The following MACC1 variants were observed in gnomAD, a reference collection of about 807,000 sequenced individuals.
MACC1 encodes the protein metastasis-associated in colon cancer protein 1.
Under a neutral mutation model 70.7 loss-of-function variants are expected in MACC1, and 79 were observed. That is an observed-to-expected ratio of 1.12 (90% CI 0.93 to 1.35). The LOEUF (loss-of-function observed/expected upper bound fraction) is 1.35, where lower values mean the gene tolerates loss of function less well. Among genes scored for constraint, MACC1 ranks in the 40% most tolerant of loss-of-function variants. The pLI, the probability that MACC1 is intolerant of heterozygous loss-of-function variation, is 0.00. For synonymous variants in MACC1, 361 were observed against 347.2 expected, an observed-to-expected ratio of 1.04 and a Z score of -0.44; for missense variants, 1,106 against 978.1, an observed-to-expected ratio of 1.13 and a Z score of -1.74.
chr7:20,168,739 A>G (rs1364398065), intron 2 of MACC1, among the ~76,000 whole-genome samples: 1 of 152,206 alleles, frequency 6.6e-6, no homozygotes, highest in Non-Finnish European at 1.5e-5. Context: ...CACACATGTC[A>G]GGTTACAATC....
chr7:20,160,182 G>A lies in MACC1; in HGVS notation c.179C>T (p.Ala60Val), dbSNP rs774128393. 13 of 1,607,742 alleles carry A rather than the reference G, an allele frequency of 8.1e-6. No homozygotes were observed. The highest frequency in any genetic ancestry group is 1.0e-5 in the Non-Finnish European group (12 of 1,178,406). ...CCAGAATGGATTTGCAACTTTGGAA[G>A]CATTATTACCACGAAGGGTGAAAGC... ...PDAFTLRGNNASKVANPFWNQ... is the reference protein window; with the variant it reads ...PDAFTLRGNNVSKVANPFWNQ... Residue 60 changes from alanine to valine, a missense_variant, in exon 5 of 7, where the codon GCT becomes GTT. By Grantham distance (64) the Ala-to-Val change is moderately conservative. Transcript: ENST00000400331.
chr7:20,211,719 G>A (rs1040718731), intron 1 of MACC1, among the ~76,000 whole-genome samples: 7 of 152,212 alleles, frequency 4.6e-5, no homozygotes, highest in Admixed American at 2.6e-4. Context: ...ATCTCATAAA[G>A]TTGAAGGTAC....
Position 20,160,120 on chromosome 7 carries a change from T to A in MACC1, c.241A>T (p.Ile81Leu), listed in dbSNP as rs369411460. ...LSASNPFLDDITQLRNNRKRN... is the reference protein window; with the variant it reads ...LSASNPFLDDLTQLRNNRKRN... ...TTCCTGTTATTTCTTAGTTGAGTTA[T>A]GTCATCCAAAAATGGGTTAGAAGCA... is the stretch of plus-strand genomic sequence containing the variant. Residue 81 changes from isoleucine (I) to leucine (L), a missense_variant, in exon 5 of 7, where the codon ATA becomes TTA. Transcript: ENST00000400331. 37 of 1,613,156 alleles carry A rather than the reference T, an allele frequency of 2.3e-5. No individual in the cohort carries two copies. The highest frequency in any genetic ancestry group is 3.0e-5 in the Non-Finnish European group (35 of 1,179,782).
chr7:20,144,694 G>T (rs1329604974), intron 6 of MACC1, among the ~76,000 whole-genome samples: 1 of 152,056 alleles, frequency 6.6e-6, no homozygotes, highest in African/African-American at 2.4e-5. Context: ...GCAAAAGGGA[G>T]GGTATCTGAT....
intron 1 of MACC1, among the ~76,000 whole-genome samples, chr7:20,176,357 T>C (rs1395927343): frequency 6.6e-6 from 1 of 152,120 alleles, no homozygotes; most frequent in African/African-American, 2.4e-5. Context: ...CAGGGTTAAT[T>C]AATCTGTCAA....
intron 1 of MACC1, among the ~76,000 whole-genome samples, chr7:20,213,702 T>A (rs1253122999): frequency 6.6e-6 from 1 of 152,032 alleles, no homozygotes; most frequent in Admixed American, 6.6e-5. Context: ...GAGAGTTAAA[T>A]GATGAGAACA....
At chr7:20,214,157 G>A (rs563551160) in intron 1 of MACC1, among the ~76,000 whole-genome samples, 58 of 152,160 alleles carry the variant, frequency 3.8e-4, no homozygotes, top group Non-Finnish European at 5.6e-4. Flanking sequence ...CTAAAGTATG[G>A]ATTTCCACAG....
chr7:20,191,948 T>C (rs574950556), intron 1 of MACC1, among the ~76,000 whole-genome samples: 103 of 152,266 alleles, frequency 6.8e-4, no homozygotes, highest in African/African-American at 2.4e-3. Flanking sequence ...AAATTTGATA[T>C]CCGTTTTTTA....
chr7:20,206,244 G>C (rs1782909461), intron 1 of MACC1, among the ~76,000 whole-genome samples: 1 of 151,810 alleles, frequency 6.6e-6, no homozygotes, highest in Non-Finnish European at 1.5e-5. Context: ...TCTGCCCATA[G>C]TGAGGACAGT....
Position 20,159,075 on chromosome 7 carries a change from T to G in MACC1, c.1286A>C (p.Lys429Thr), listed in dbSNP as rs1180628432. The G allele has an allele frequency of 1.5e-5, 25 of 1,613,402 alleles. No individual in the cohort carries two copies. The highest frequency in any genetic ancestry group is 2.1e-5 in the Non-Finnish European group (25 of 1,179,914). ...LWGKQSFLLD[K>T]PQDLSISIFS... ...AATAGAAATACTTAAATCTTGTGGCTTGTCAAGTAAAAATGACTGCTTCCC... is the reference window on the plus strand; with the variant it reads ...AATAGAAATACTTAAATCTTGTGGCGTGTCAAGTAAAAATGACTGCTTCCC... Residue 429 changes from lysine (K) to threonine (T), a missense_variant, in exon 5 of 7, where the codon AAG becomes ACG. Lys to Thr is a moderately conservative substitution (Grantham distance 78). Coordinates refer to ENST00000400331, the MANE Select transcript of MACC1 (RefSeq NM_182762.4).
At chr7:20,162,236 A>C (rs1278202669) in intron 3 of MACC1, among the ~76,000 whole-genome samples, 1 of 152,104 alleles carries the variant, frequency 6.6e-6, no homozygotes, top group Non-Finnish European at 1.5e-5. Context: ...CACAAACTAA[A>C]AATTTTCCCC....
chr7:20,176,442 T>G (rs3114444), intron 1 of MACC1, among the ~76,000 whole-genome samples: 73,689 of 151,966 alleles, frequency 0.48, 19,623 homozygotes, highest in East Asian at 0.86. Context: ...TCAAAGCCTG[T>G]ATTACTAATC....
chr7:20,198,112 T>C (rs564243175), intron 1 of MACC1, among the ~76,000 whole-genome samples: 4 of 152,314 alleles, frequency 2.6e-5, no homozygotes, highest in Non-Finnish European at 5.9e-5. Context: ...GAGGGTCTGA[T>C]GTCTGGGTAT....
chr7:20,159,873 A>G lies in MACC1; in HGVS notation c.488T>C (p.Ile163Thr). ...AAGCCACTCTAAGTCGTGTAGTAGG[A>G]TCTGGTCAGAGTTATGTATACTCTG... ...AHQSIHNSDQ[I>T]LLHDLEWLKN... Residue 163 changes from isoleucine (I) to threonine (T), a missense_variant, in exon 5 of 7, where the codon ATC becomes ACC. Physicochemically the swap from Ile to Thr is moderately conservative, Grantham distance 89. Coordinates refer to ENST00000400331, the MANE Select transcript of MACC1 (RefSeq NM_182762.4). 1.2e-6 allele frequency: 2 copies of G among 1,614,116 alleles called. No homozygotes were observed. Among genetic ancestry groups the G allele is most frequent in the South Asian group, 2.2e-5 (2 of 91,078 alleles).
chr7:20,191,396 C>T (rs1782670431), intron 1 of MACC1, among the ~76,000 whole-genome samples: 1 of 152,146 alleles, frequency 6.6e-6, no homozygotes, highest in African/African-American at 2.4e-5. Flanking sequence ...GCAATAGGTG[C>T]TTGGACAGCT....
At chr7:20,176,623 A>G (rs939849552) in intron 1 of MACC1, among the ~76,000 whole-genome samples, 22 of 152,192 alleles carry the variant, frequency 1.4e-4, no homozygotes, top group African/African-American at 4.1e-4. Context: ...ATGTATTTAC[A>G]CAATTGTTTA....
intron 6 of MACC1, among the ~76,000 whole-genome samples, chr7:20,146,396 A>T (rs907736227): frequency 2.0e-5 from 3 of 152,348 alleles, no homozygotes; most frequent in Non-Finnish European, 4.4e-5. Flanking sequence ...CATAAGAGGT[A>T]ATTTGTGTAC....
At chr7:20,189,793 AAGAGAG>A (rs533968483) in intron 1 of MACC1, among the ~76,000 whole-genome samples, 2 of 151,246 alleles carry the variant, frequency 1.3e-5, no homozygotes, top group African/African-American at 4.9e-5. Flanking sequence ...AGAGAGAAAA[AAGAGAG>A]AGAGAGAGAG....
rs1368910119 is a variant in MACC1, at chr7:20,216,733, T to G, written c.-218+566A>C. Among the ~76,000 whole-genome samples the G allele has an allele frequency of 3.3e-5, 5 of 152,182 alleles. No homozygotes were observed. The East Asian group carries it at 9.6e-4, about 29-fold the overall frequency. On this transcript the variant is annotated intron_variant, in intron 1 of 6. Coordinates refer to ENST00000400331, the MANE Select transcript of MACC1 (RefSeq NM_182762.4). ...CACTGTGCTAATTTAATGACCCCCTTAACTTAATTACATGATTATCTTTTA... is the reference window on the plus strand; with the variant it reads ...CACTGTGCTAATTTAATGACCCCCTGAACTTAATTACATGATTATCTTTTA...
Sources: gnomAD v4.1 joint callset for allele counts (sites outside exome capture counted in the v4.1 genomes callset) on GRCh38, gnomAD v4.1.1 for gene constraint, MANE v1.5 for transcripts, NCBI Gene and HGNC (gene_info 2026-07-23, HGNC 2026-07-21) for gene names.